Variants in OLFML2A observed in about 807,000 individuals in gnomAD.
OLFML2A encodes the protein olfactomedin-like protein 2A.
A neutral mutation model predicts 60.9 loss-of-function variants in OLFML2A; 47 were observed. That is an observed-to-expected ratio of 0.77 (90% CI 0.61 to 0.98). OLFML2A has a LOEUF of 0.98. Ranked by LOEUF, OLFML2A falls within the 50% of genes least tolerant of loss-of-function variation. The pLI is 0.00. For missense variants in OLFML2A, 922 were observed against 879.8 expected, an observed-to-expected ratio of 1.05 and a Z score of -0.61; for synonymous variants, 372 against 375.0, an observed-to-expected ratio of 0.99 and a Z score of 0.09.
intron 2 of OLFML2A, among the ~76,000 whole-genome samples, chr9:124,789,218 C>T (rs1244660909): frequency 6.6e-6 from 1 of 152,214 alleles, no homozygotes; most frequent in Non-Finnish European, 1.5e-5. Context: ...GCGTGAGTCA[C>T]TGTGCCTTTC....
intron 3 of OLFML2A, among the ~76,000 whole-genome samples, chr9:124,798,927 G>A (rs779285569): frequency 6.6e-6 from 1 of 152,126 alleles, no homozygotes; most frequent in African/African-American, 2.4e-5. Flanking sequence ...GTATACATGT[G>A]TTCCCGTAAA....
Position 124,777,401 on chromosome 9 carries a change from G to T in OLFML2A, c.90+41G>T. The T allele has an allele frequency of 8.2e-7, 1 of 1,224,280 alleles. No individual in the cohort carries two copies. Among genetic ancestry groups the T allele is most frequent in the South Asian group, 3.8e-5 (1 of 26,580 alleles). The allele number at this position is 1,224,280 out of a possible 1,614,324, so 75.8% of individuals were successfully genotyped here. A position where few individuals can be genotyped will look rare whatever the true frequency, so the allele number is the denominator to read the frequency against. Reference sequence around the variant, plus strand: ...GGACCCGCGCGGCTCGGCGGGTAGCGGGGCGCGAGGGGGCGCTGTGGCTGG... The same window carrying T: ...GGACCCGCGCGGCTCGGCGGGTAGCTGGGCGCGAGGGGGCGCTGTGGCTGG... On this transcript the variant is annotated intron_variant, in intron 1 of 7. Coordinates refer to ENST00000373580, the MANE Select transcript of OLFML2A (RefSeq NM_182487.4). This position sits in a 1 kb window ranked among gnomAD's most constrained non-coding sequence, Gnocchi z 6.2.
intron 2 of OLFML2A, among the ~76,000 whole-genome samples, chr9:124,794,195 A>C (rs570357840): frequency 6.6e-6 from 1 of 152,306 alleles, no homozygotes; most frequent in South Asian, 2.1e-4. Context: ...ACAACAGCTC[A>C]ATTCATCCCC....
chr9:124,788,209 G>A (rs1841512192), intron 2 of OLFML2A, among the ~76,000 whole-genome samples: 2 of 151,988 alleles, frequency 1.3e-5, no homozygotes, highest in African/African-American at 4.8e-5. Context: ...GGCTGAGGCA[G>A]GAGAATCACT....
chr9:124,799,211 T>A, intron 3 of OLFML2A, 74 bp from the exon 4 acceptor site: 1 of 1,088,412 alleles, frequency 9.2e-7, no homozygotes, highest in Non-Finnish European at 1.4e-6. Context: ...TGACCAAAGC[T>A]GGGGTGTCCC....
In OLFML2A at chr9:124,807,836, C is replaced by T. The variant is rs1564289060; in HGVS notation, c.1224C>T (p.His408=). The T allele has an allele frequency of 6.2e-7, 1 of 1,613,932 alleles. No homozygotes were observed. Among genetic ancestry groups the T allele is most frequent in the Non-Finnish European group, 8.5e-7 (1 of 1,180,010 alleles). The change falls in exon 7 of 8, where the codon CAC becomes CAT. Residue 408 remains histidine (H), a synonymous_variant. Coordinates refer to ENST00000373580, the MANE Select transcript of OLFML2A (RefSeq NM_182487.4). ...TLRAVDPPVR[H]HSYGRHEGAW... ...GGGCTGTGGACCCCCCTGTGAGGCA[C>T]CACAGCTATGGGCGCCACGAGGGAG... is the stretch of plus-strand genomic sequence containing the variant.
At chr9:124,805,839 G>A (rs1244125930) in intron 6 of OLFML2A, among the ~76,000 whole-genome samples, 1 of 129,400 alleles carries the variant, frequency 7.7e-6, no homozygotes, top group Non-Finnish European at 1.6e-5. Context: ...TTTTTGAGAC[G>A]GAGTCTGACT....
Position 124,807,846 on chromosome 9 carries a change from G to A in OLFML2A, c.1234G>A (p.Gly412Arg). The A allele has an allele frequency of 1.2e-6, 2 of 1,614,090 alleles. No homozygotes were observed. Among genetic ancestry groups the A allele is most frequent in the Non-Finnish European group, 1.7e-6 (2 of 1,179,976 alleles). Reference sequence around the variant, plus strand: ...CCCCCCTGTGAGGCACCACAGCTATGGGCGCCACGAGGGAGCCTGGATGAA... The same window carrying A: ...CCCCCCTGTGAGGCACCACAGCTATAGGCGCCACGAGGGAGCCTGGATGAA... Reference protein sequence around the residue: ...VDPPVRHHSYGRHEGAWMKDP... With the variant: ...VDPPVRHHSYRRHEGAWMKDP... Residue 412 changes from glycine (G) to arginine (R), a missense_variant, in exon 7 of 8, where the codon GGG becomes AGG. Gly to Arg is a moderately radical substitution (Grantham distance 125, BLOSUM62 -2). Transcript: ENST00000373580.
chr9:124,800,976 G>A, intron 4 of OLFML2A: 1 of 1,548,414 alleles, frequency 6.5e-7, no homozygotes, highest in Non-Finnish European at 8.7e-7. Context: ...GAATGTTCCA[G>A]GCACTCTGGG....
In OLFML2A at chr9:124,811,821, G is replaced by T. The variant is rs1161379469; in HGVS notation, c.*1409G>T. 2 of 152,192 alleles carry T rather than the reference G, an allele frequency of 1.3e-5. No individual in the cohort carries two copies. The highest frequency in any genetic ancestry group is 2.9e-5 in the Non-Finnish European group (2 of 68,030). 9.4% of individuals were successfully genotyped at this position (152,192 alleles called of 1,614,324 possible). A position where few individuals can be genotyped will look rare whatever the true frequency, so the allele number is the denominator to read the frequency against. The stretch of plus-strand genomic sequence containing the variant: ...TAGACAGTATTTTTAGAGCTGGAAA[G>T]AAATTTTCTAGCCCAACTCCCTGTT... On this transcript the variant is annotated 3_prime_UTR_variant, in exon 8 of 8. Coordinates refer to ENST00000373580, the MANE Select transcript of OLFML2A (RefSeq NM_182487.4).
At chr9:124,804,064 G>C (rs377500057) in intron 5 of OLFML2A, 30 bp from the exon 6 acceptor site, 4 of 1,609,546 alleles carry the variant, frequency 2.5e-6, no homozygotes, top group Non-Finnish European at 3.4e-6. Context: ...GTGGTGCTGA[G>C]ATTTGAGCAC....
At chr9:124,789,967 C>T (rs1841542199) in intron 2 of OLFML2A, among the ~76,000 whole-genome samples, 2 of 152,196 alleles carry the variant, frequency 1.3e-5, no homozygotes, top group Admixed American at 1.3e-4. Flanking sequence ...GTCAACTTCT[C>T]GATAACTGAA....
chr9:124,790,737 G>C (rs947547690), intron 2 of OLFML2A, among the ~76,000 whole-genome samples: 8 of 152,108 alleles, frequency 5.3e-5, no homozygotes, highest in African/African-American at 1.9e-4. Context: ...AGGCGGCAGA[G>C]GCAGTAGGAG....
intron 2 of OLFML2A, among the ~76,000 whole-genome samples, chr9:124,793,684 A>G (rs757815942): frequency 6.6e-6 from 1 of 152,218 alleles, no homozygotes; most frequent in Non-Finnish European, 1.5e-5. Context: ...TTGGGCCACC[A>G]GAAGCAGGCT....
intron 2 of OLFML2A, among the ~76,000 whole-genome samples, chr9:124,793,929 C>T (rs1170180584): frequency 1.1e-4 from 16 of 152,302 alleles, no homozygotes; most frequent in Admixed American, 9.8e-4. Flanking sequence ...GTCCTAGCTA[C>T]TCCAGAGGCT....
rs755937514 is a variant in OLFML2A at position 124,807,822 on chromosome 9, C to A, written c.1210C>A (p.Pro404Thr). The change falls in exon 7 of 8, where the codon CCC (proline) becomes ACC (threonine). Residue 404 changes from proline (P) to threonine (T), a missense_variant. Pro to Thr is a conservative substitution (Grantham distance 38, BLOSUM62 -1). Coordinates refer to ENST00000373580, the MANE Select transcript of OLFML2A (RefSeq NM_182487.4). ...SCEGTLRAVD[P>T]PVRHHSYGRH... ...TGAGGGCACCCTCCGGGCTGTGGACCCCCCTGTGAGGCACCACAGCTATGG... is the reference window on the plus strand; with the variant it reads ...TGAGGGCACCCTCCGGGCTGTGGACACCCCTGTGAGGCACCACAGCTATGG... 2.5e-6 allele frequency: 4 copies of A among 1,613,824 alleles called. No individual in the cohort carries two copies. Among genetic ancestry groups the A allele is most frequent in the Non-Finnish European group, 3.4e-6 (4 of 1,179,946 alleles).
chr9:124,796,777 G>C (rs1386216605), intron 3 of OLFML2A, among the ~76,000 whole-genome samples: 2 of 152,170 alleles, frequency 1.3e-5, no homozygotes, highest in Non-Finnish European at 2.9e-5. Flanking sequence ...CCAGGGGAAA[G>C]CTGGCAATAG....
intron 4 of OLFML2A, chr9:124,801,186 A>ATTC: frequency 1.0e-6 from 1 of 994,518 alleles, no homozygotes; most frequent in Non-Finnish European, 1.5e-6. Flanking sequence ...ATCAGGTTGG[A>ATTC]CTTCAAGCCT....
chr9:124,784,266 C>T (rs559810311), intron 1 of OLFML2A, among the ~76,000 whole-genome samples: 6 of 151,698 alleles, frequency 4.0e-5, no homozygotes, highest in African/African-American at 9.7e-5. Context: ...TGAAGTGGCA[C>T]GATCTTGGCT....
Sources: allele counts gnomAD v4.1 joint callset (sites outside exome capture counted in the v4.1 genomes callset), GRCh38; gene constraint gnomAD v4.1.1; non-coding constraint Gnocchi (gnomAD v3.1); transcripts MANE v1.5; gene names NCBI Gene and HGNC (gene_info 2026-07-23, HGNC 2026-07-21).